MAGI2: variants seen among roughly 807,000 people sequenced by gnomAD.
The protein encoded by MAGI2 is membrane associated guanylate kinase, WW and PDZ domain containing 2, also known as membrane-associated guanylate kinase, WW and PDZ domain-containing protein 2.
A neutral mutation model predicts 133.3 loss-of-function variants in MAGI2; 35 were observed. That is an observed-to-expected ratio of 0.26 (90% CI 0.20 to 0.35). The LOEUF (loss-of-function observed/expected upper bound fraction) is 0.35, where lower values mean the gene tolerates loss of function less well. Among genes scored for constraint, MAGI2 ranks in the 10% least tolerant of loss-of-function variants. MAGI2 has a pLI of 1.00. For synonymous variants in MAGI2, 729 were observed against 710.6 expected (o/e 1.03, Z -0.41); for missense variants, 1,636 against 1,863.4 (o/e 0.88, Z 2.25).
intron 9 of MAGI2, among the ~76,000 whole-genome samples, chr7:78,313,630 A>G (rs1404091979): frequency 1.2e-5 from 1 of 82,762 alleles, no homozygotes; most frequent in Non-Finnish European, 2.5e-5. Context: ...CTATTGGTAC[A>G]AAAAAAAAAG....
At chr7:78,708,547 C>T (rs1157261031) in intron 2 of MAGI2, among the ~76,000 whole-genome samples, 1 of 152,104 alleles carries the variant, frequency 6.6e-6, no homozygotes, top group East Asian at 1.9e-4. Context: ...AAGTATTTTA[C>T]ACATGTTAAT....
intron 1 of MAGI2, among the ~76,000 whole-genome samples, chr7:79,112,174 C>T (rs1000146862): frequency 6.6e-6 from 1 of 151,784 alleles, no homozygotes; most frequent in African/African-American, 2.4e-5. Flanking sequence ...CAGGCATCAC[C>T]TTCCCGCCTA....
intron 1 of MAGI2, among the ~76,000 whole-genome samples, chr7:79,389,415 T>G (rs1192236566): frequency 6.6e-6 from 1 of 152,122 alleles, no homozygotes; most frequent in Non-Finnish European, 1.5e-5. Flanking sequence ...GAGAGAAGAC[T>G]AACTTATGAA....
intron 2 of MAGI2, among the ~76,000 whole-genome samples, chr7:78,833,266 A>C (rs111357510): frequency 6.6e-6 from 1 of 152,128 alleles, no homozygotes; most frequent in Non-Finnish European, 1.5e-5. Flanking sequence ...CAGATGTTAC[A>C]TTAAAGAATT....
At chr7:78,291,978 A>G (rs1796759007) in intron 9 of MAGI2, among the ~76,000 whole-genome samples, 2 of 152,300 alleles carry the variant, frequency 1.3e-5, no homozygotes, top group South Asian at 2.1e-4. Flanking sequence ...CCAATATCAT[A>G]CTGAATGGGC....
At chr7:78,352,324 A>T (rs1275249696) in intron 7 of MAGI2, among the ~76,000 whole-genome samples, 1 of 152,230 alleles carries the variant, frequency 6.6e-6, no homozygotes, top group Non-Finnish European at 1.5e-5. Context: ...GCTGAATTTT[A>T]GAAGTACTAG....
intron 6 of MAGI2, among the ~76,000 whole-genome samples, chr7:78,425,600 A>G (rs1799205876): frequency 6.6e-6 from 1 of 152,230 alleles, no homozygotes; most frequent in Non-Finnish European, 1.5e-5. Flanking sequence ...TGTAAGGCCT[A>G]GAAGAGATCA....
At chr7:78,226,100 A>ATGGC (rs1789348120) in intron 10 of MAGI2, among the ~76,000 whole-genome samples, 1 of 152,110 alleles carries the variant, frequency 6.6e-6, no homozygotes, top group African/African-American at 2.4e-5. Flanking sequence ...CAACTGATAT[A>ATGGC]AAATTACTCA....
chr7:78,301,999 G>A (rs921968133), intron 9 of MAGI2, among the ~76,000 whole-genome samples: 1 of 152,166 alleles, frequency 6.6e-6, no homozygotes, highest in Non-Finnish European at 1.5e-5. Flanking sequence ...GTAGAGCCCT[G>A]AGCACAGGGT....
chr7:78,541,050 T>C (rs62468606), intron 3 of MAGI2, among the ~76,000 whole-genome samples: 10,638 of 152,284 alleles, frequency 0.07, 462 homozygotes, highest in Non-Finnish European at 0.1. Context: ...CAGAAGTTCA[T>C]GATGTGAGTC....
intron 1 of MAGI2, chr7:79,415,684 A>T (rs900084954): frequency 6.6e-6 from 1 of 152,156 alleles, no homozygotes; most frequent in Non-Finnish European, 1.5e-5. Flanking sequence ...TCTGAAACAG[A>T]GAAGATGGAC....
Position 78,294,899 on chromosome 7 carries a change from ACTG to A in MAGI2, c.1409-38321_1409-38319del, listed in dbSNP as rs1470778896. Among the ~76,000 whole-genome samples the A allele has an allele frequency of 5.9e-5, 9 of 152,176 alleles. 1 individual carries two copies. The highest frequency in any genetic ancestry group is 1.3e-4 in the Non-Finnish European group (9 of 68,026). On this transcript the variant is annotated intron_variant, in intron 9 of 21. Transcript: ENST00000354212. Reference sequence around the variant, plus strand: ...ACTGACTGGATATTTTGTTCCAAATACTGCTGTTTAATGTATTAGAATAACATT... The same window carrying A: ...ACTGACTGGATATTTTGTTCCAAATACTGTTTAATGTATTAGAATAACATT...
At chr7:78,249,224 G>A (rs946387163) in intron 10 of MAGI2, among the ~76,000 whole-genome samples, 35 of 152,194 alleles carry the variant, frequency 2.3e-4, no homozygotes, top group African/African-American at 6.5e-4. Context: ...AAGTGTCGGC[G>A]AGGATGTGGA....
chr7:79,064,503 A>G (rs888864828), intron 1 of MAGI2, among the ~76,000 whole-genome samples: 28 of 152,080 alleles, frequency 1.8e-4, no homozygotes, highest in African/African-American at 6.0e-4. Flanking sequence ...AAATGTCTAT[A>G]TAATGATTTT....
In MAGI2 at chr7:78,766,637, A is replaced by G. The variant is rs550599092; in HGVS notation, c.419-139398T>C. Among the ~76,000 whole-genome samples the G allele has an allele frequency of 5.9e-5, 9 of 152,348 alleles. No homozygotes were observed. In the South Asian group the frequency reaches 1.4e-3, roughly 25 times the overall value. ...TTACTTTACTGATTTAAAGAGAAAAACAACTATTCTAACTGTTCCTCCACA... is the reference window on the plus strand; with the variant it reads ...TTACTTTACTGATTTAAAGAGAAAAGCAACTATTCTAACTGTTCCTCCACA... On this transcript the variant is annotated intron_variant, in intron 2 of 21. Transcript: ENST00000354212.
At chr7:79,291,250 T>C (rs1335076582) in intron 1 of MAGI2, among the ~76,000 whole-genome samples, 1 of 152,186 alleles carries the variant, frequency 6.6e-6, no homozygotes, top group African/African-American at 2.4e-5. Flanking sequence ...CAGTACTTCA[T>C]TCCTTTATAT....
At chr7:79,335,461 A>T (rs1840374648) in intron 1 of MAGI2, among the ~76,000 whole-genome samples, 3 of 152,206 alleles carry the variant, frequency 2.0e-5, no homozygotes, top group Admixed American at 2.0e-4. Context: ...GGATCAATGG[A>T]AGAAATTATA....
Position 79,306,213 on chromosome 7 carries a change from A to G in MAGI2, c.301+146807T>C, listed in dbSNP as rs555746849. ...CATATATATATACATGTATATATATATGTGTATATATATTTTATTTATATG... is the reference window on the plus strand; with the variant it reads ...CATATATATATACATGTATATATATGTGTGTATATATATTTTATTTATATG... On this transcript the variant is annotated intron_variant, in intron 1 of 21. Coordinates refer to ENST00000354212, the MANE Select transcript of MAGI2 (RefSeq NM_012301.4). Among the ~76,000 whole-genome samples, 227 of 146,028 alleles carry G rather than the reference A, an allele frequency of 1.6e-3. 1 individual carries two copies. The highest frequency in any genetic ancestry group is 5.2e-3 in the African/African-American group (208 of 40,306).
At chr7:78,213,760 T>C (rs1010439539) in intron 10 of MAGI2, among the ~76,000 whole-genome samples, 7 of 152,378 alleles carry the variant, frequency 4.6e-5, no homozygotes, top group African/African-American at 1.7e-4. Flanking sequence ...TTGTCGATCA[T>C]GCGACAGTGT....
Sources: gnomAD v4.1 joint callset for allele counts (sites outside exome capture counted in the v4.1 genomes callset) on GRCh38, gnomAD v4.1.1 for gene constraint, MANE v1.5 for transcripts, NCBI Gene and HGNC (gene_info 2026-07-23, HGNC 2026-07-21) for gene names.